ANO6: variants seen among roughly 807,000 people sequenced by gnomAD.
ANO6 encodes the protein anoctamin-6.
In ANO6, 106 loss-of-function variants were observed where a neutral mutation model predicts 117.5. The observed-to-expected ratio is 0.90, with a 90% CI of 0.77 to 1.06. The LOEUF (loss-of-function observed/expected upper bound fraction) is 1.06. ANO6 is among the 50% of genes least tolerant of loss of function. The probability of loss-of-function intolerance (pLI) is 0.00; values close to 1 mark genes in which losing one functional copy is unlikely to be tolerated. For missense variants in ANO6, 955 were observed against 1,121.1 expected, an observed-to-expected ratio of 0.85 and a Z score of 2.12; for synonymous variants, 367 against 385.1, an observed-to-expected ratio of 0.95 and a Z score of 0.55.
intron 12 of ANO6, among the ~76,000 whole-genome samples, chr12:45,400,783 TCAA>T (rs1316563882): frequency 2.6e-5 from 4 of 152,198 alleles, no homozygotes; most frequent in Admixed American, 6.5e-5. Flanking sequence ...TCTGTTACTA[TCAA>T]CAACAAGATA....
At position 45,429,690 on chromosome 12, in the gene ANO6, CAT is replaced by C; in HGVS notation, c.*380_*381del. The C allele has an allele frequency of 9.0e-7, 1 of 1,115,938 alleles. No individual in the cohort carries two copies. The highest frequency in any genetic ancestry group is 1.1e-6 in the Non-Finnish European group (1 of 909,534). 69.1% of individuals were successfully genotyped at this position (1,115,938 alleles called of 1,614,324 possible). A position where few individuals can be genotyped will look rare whatever the true frequency, so the allele number is the denominator to read the frequency against. ...CGCATGATCTCCTTTATTTTTAAGC[CAT>C]GTTTCATTTCTTCACTTGGCTAGAT... On this transcript the variant is annotated 3_prime_UTR_variant, in exon 20 of 20. Coordinates refer to ENST00000320560, the MANE Select transcript of ANO6 (RefSeq NM_001025356.3).
At chr12:45,259,193 A>G (rs1297692162) in intron 1 of ANO6, among the ~76,000 whole-genome samples, 1 of 152,222 alleles carries the variant, frequency 6.6e-6, no homozygotes, top group Non-Finnish European at 1.5e-5. Context: ...GTGAAGCATT[A>G]AGTTTGAGGT....
At chr12:45,439,970 G>T in exon 20 of ANO6, 1 of 1,455,948 alleles carries the variant, frequency 6.9e-7, no homozygotes, top group Non-Finnish European at 9.0e-7. Context: ...ACAAATATTT[G>T]TGTGTCTATT....
chr12:45,401,833 C>T lies in ANO6; in HGVS notation c.1425C>T (p.Val475=). The T allele has an allele frequency of 6.2e-7, 1 of 1,613,888 alleles. No homozygotes were observed. Among genetic ancestry groups the T allele is most frequent in the Non-Finnish European group, 8.5e-7 (1 of 1,179,972 alleles). The change falls in exon 13 of 20, where the codon GTC becomes GTT. Residue 475 remains valine, a synonymous_variant. Transcript: ENST00000320560. ...LIIASVIGII[V]YRLSVFIVFS... Reference sequence around the variant, plus strand: ...TCGCTTCAGTTATTGGGATCATTGTCTATAGGCTCTCGGTGTTCATTGTAT... The same window carrying T: ...TCGCTTCAGTTATTGGGATCATTGTTTATAGGCTCTCGGTGTTCATTGTAT...
At chr12:45,425,405 C>T (rs1222827751) in intron 19 of ANO6, among the ~76,000 whole-genome samples, 2 of 152,132 alleles carry the variant, frequency 1.3e-5, no homozygotes, top group African/African-American at 4.8e-5. Context: ...GCATGACATG[C>T]ATCAAACAGA....
downstream of ANO6, among the ~76,000 whole-genome samples, chr12:45,435,920 C>G (rs941512855): frequency 6.6e-6 from 1 of 152,158 alleles, no homozygotes; most frequent in Non-Finnish European, 1.5e-5. Context: ...ATGGCCAGAG[C>G]TTATATAAAA....
chr12:45,432,458 T>C (rs1177920320), downstream of ANO6: 10 of 352,044 alleles, frequency 2.8e-5, no homozygotes, highest in Non-Finnish European at 4.0e-6. Context: ...TGCTTTTGTG[T>C]AGATTTTTCA....
chr12:45,298,857 A>T (rs1207768322), intron 1 of ANO6, among the ~76,000 whole-genome samples: 1 of 152,176 alleles, frequency 6.6e-6, no homozygotes, highest in Non-Finnish European at 1.5e-5. Flanking sequence ...TTCATTTAGA[A>T]AAAAGAAAAA....
chr12:45,382,858 G>T (rs1224264791), intron 10 of ANO6, among the ~76,000 whole-genome samples: 4 of 152,172 alleles, frequency 2.6e-5, no homozygotes, highest in African/African-American at 7.2e-5. Flanking sequence ...CTGTGAGAGG[G>T]TCTTGCCTCG....
At chr12:45,318,193 C>T (rs11182975) in intron 2 of ANO6, among the ~76,000 whole-genome samples, 3,354 of 152,106 alleles carry the variant, frequency 0.022, 292 homozygotes, top group East Asian at 0.14. Context: ...CATGAAGTCC[C>T]TGCCCATGCC....
At chr12:45,366,190 G>C in intron 8 of ANO6, among the ~76,000 whole-genome samples, 1 of 140,174 alleles carries the variant, frequency 7.1e-6, no homozygotes, top group Non-Finnish European at 1.5e-5. Context: ...TCATTTTTAT[G>C]TCTGCAAAAC....
At position 45,216,097 on chromosome 12, in the gene ANO6, T is replaced by G. The variant is rs1180171915; in HGVS notation, c.-225T>G. 3.6e-6 allele frequency: 2 copies of G among 550,154 alleles called. No homozygotes were observed. The highest frequency in any genetic ancestry group is 3.2e-5 in the Admixed American group (1 of 31,490). 34.1% of individuals were successfully genotyped at this position (550,154 alleles called of 1,614,324 possible). A position where few individuals can be genotyped will look rare whatever the true frequency, so the allele number is the denominator to read the frequency against. On this transcript the variant is annotated 5_prime_UTR_variant, in exon 1 of 20. Coordinates refer to ENST00000320560, the MANE Select transcript of ANO6 (RefSeq NM_001025356.3). ...CGGCGGCCGCACTGGGCATGCTCAG[T>G]CTCCGGGCTCCGCTCGGCAGGCGAG...
downstream of ANO6, among the ~76,000 whole-genome samples, chr12:45,433,149 C>T (rs535494951): frequency 1.3e-5 from 2 of 152,294 alleles, no homozygotes; most frequent in South Asian, 2.1e-4. Flanking sequence ...TGCTAATCAT[C>T]GCATAGGATA....
Position 45,378,022 on chromosome 12 carries a change from G to T in ANO6, c.1105-31G>T. ...CTGAATCCTAATAAGTGGAGGATAT[G>T]ACTCATTTATATGTCATTTATATTT... is the stretch of plus-strand genomic sequence containing the variant. On this transcript the variant is annotated intron_variant, in intron 9 of 19. Transcript: ENST00000320560. The T allele has an allele frequency of 2.5e-6, 4 of 1,576,130 alleles. No homozygotes were observed. The South Asian group carries it at 4.4e-5, about 17-fold the overall frequency.
intron 7 of ANO6, among the ~76,000 whole-genome samples, chr12:45,354,257 A>G (rs1162311245): frequency 1.3e-5 from 2 of 152,194 alleles, no homozygotes; most frequent in Non-Finnish European, 2.9e-5. Context: ...AAAGAAAATC[A>G]TACAAAGGAT....
At position 45,431,955 on chromosome 12, in the gene ANO6, C is replaced by T. The variant is rs1943642259; in HGVS notation, c.*2644C>T. The T allele has an allele frequency of 3.0e-6, 3 of 985,112 alleles. No homozygotes were observed. Among genetic ancestry groups the T allele is most frequent in the South Asian group, 4.7e-5 (1 of 21,292 alleles). The allele number at this position is 985,112 out of a possible 1,614,324, so 61.0% of individuals were successfully genotyped here. A position where few individuals can be genotyped will look rare whatever the true frequency, so the allele number is the denominator to read the frequency against. On this transcript the variant is annotated 3_prime_UTR_variant, in exon 20 of 20. Transcript: ENST00000320560. ...TCCCTCAGATAATTTAGCTATATAT[C>T]ATTAGAAAGGGAAAGCTATCATTTT...
chr12:45,334,984 A>C (rs2897868), intron 3 of ANO6, among the ~76,000 whole-genome samples: 65,677 of 151,636 alleles, frequency 0.43, 14,490 homozygotes, highest in South Asian at 0.58. Context: ...GGTACAATTC[A>C]GATGAGGGTG....
At chr12:45,414,118 C>T (rs777581239) in intron 16 of ANO6, among the ~76,000 whole-genome samples, 6 of 151,842 alleles carry the variant, frequency 4.0e-5, no homozygotes, top group South Asian at 2.1e-4. Context: ...CAGCAGGATG[C>T]GGGGCTTCAG....
chr12:45,216,238 C>A lies in ANO6; in HGVS notation c.-84C>A. On this transcript the variant is annotated 5_prime_UTR_variant, in exon 1 of 20. Coordinates refer to ENST00000320560, the MANE Select transcript of ANO6 (RefSeq NM_001025356.3). ...CGACACACGCCCCGCGGTCCCCGAT[C>A]CGGCCCCTGGGAGAGCCGCGCCGTT... is the stretch of plus-strand genomic sequence containing the variant. 1 of 1,479,880 alleles carries A rather than the reference C, an allele frequency of 6.8e-7. No individual in the cohort carries two copies. The highest frequency in any genetic ancestry group is 9.2e-7 in the Non-Finnish European group (1 of 1,082,634). The allele number at this position is 1,479,880 out of a possible 1,614,324, so 91.7% of individuals were successfully genotyped here. A position where few individuals can be genotyped will look rare whatever the true frequency, so the allele number is the denominator to read the frequency against.
Sources: gnomAD v4.1 joint callset for allele counts (sites outside exome capture counted in the v4.1 genomes callset) on GRCh38, gnomAD v4.1.1 for gene constraint, MANE v1.5 for transcripts, NCBI Gene and HGNC (gene_info 2026-07-23, HGNC 2026-07-21) for gene names.